EYS: variants seen among roughly 807,000 people sequenced by gnomAD.
EYS encodes the protein protein eyes shut homolog.
Under a neutral mutation model 282.1 loss-of-function variants are expected in EYS, and 250 were observed. The observed-to-expected ratio is 0.89, with a 90% CI of 0.80 to 0.98. The LOEUF is 0.98. Among genes scored for constraint, EYS ranks in the 50% least tolerant of loss-of-function variants. The probability of loss-of-function intolerance (pLI) is 0.00; values close to 1 mark genes in which losing one functional copy is unlikely to be tolerated. For synonymous variants in EYS, 1,355 were observed against 1,282.9 expected (o/e 1.06, Z -1.20); for missense variants, 4,016 against 3,709.0 (o/e 1.08, Z -2.15).
chr6:65,536,090 T>G (rs7767963), intron 2 of EYS, among the ~76,000 whole-genome samples: 16,168 of 152,082 alleles, frequency 0.11, 1,246 homozygotes, highest in African/African-American at 0.2. Context: ...TAATTTGAGA[T>G]AGAATGATAC....
chr6:64,775,661 T>C (rs150126980), intron 22 of EYS, among the ~76,000 whole-genome samples: 87 of 152,144 alleles, frequency 5.7e-4, no homozygotes, highest in African/African-American at 2.0e-3. Context: ...ATCCTACCTA[T>C]AGCAGTTGGA....
intron 12 of EYS, among the ~76,000 whole-genome samples, chr6:65,283,301 A>G (rs1346317588): frequency 6.6e-6 from 1 of 151,892 alleles, no homozygotes; most frequent in Non-Finnish European, 1.5e-5. Flanking sequence ...AAAATATTTC[A>G]GCTCATGATG....
At chr6:65,385,073 G>A (rs1765749178) in intron 7 of EYS, among the ~76,000 whole-genome samples, 1 of 151,902 alleles carries the variant, frequency 6.6e-6, no homozygotes, top group African/African-American at 2.4e-5. Context: ...ACACACTGGT[G>A]TTCTGGCTTC....
intron 30 of EYS, among the ~76,000 whole-genome samples, chr6:64,237,730 T>G (rs755276454): frequency 1.3e-5 from 2 of 152,230 alleles, no homozygotes; most frequent in Non-Finnish European, 2.9e-5. Context: ...CAAAATTTTA[T>G]GTTGTTTTTA....
chr6:64,851,037 G>A (rs1175667571), intron 19 of EYS, among the ~76,000 whole-genome samples: 1 of 151,992 alleles, frequency 6.6e-6, no homozygotes. Flanking sequence ...GTGGTGGTTT[G>A]GCAGTATTTA....
At chr6:64,711,830 A>C (rs1771224087) in intron 22 of EYS, among the ~76,000 whole-genome samples, 1 of 152,114 alleles carries the variant, frequency 6.6e-6, no homozygotes, top group Non-Finnish European at 1.5e-5. Flanking sequence ...TCCTCTACCA[A>C]ATGAGACTCC....
chr6:64,989,753 A>G (rs1375200933), intron 14 of EYS, among the ~76,000 whole-genome samples: 1 of 145,328 alleles, frequency 6.9e-6, no homozygotes, highest in Non-Finnish European at 1.5e-5. Context: ...TATACATTAT[A>G]TATTTCTTAT....
rs563440748 is a variant in EYS, at chr6:65,367,014, G to T, written c.1300-13397C>A. On this transcript the variant is annotated intron_variant, in intron 8 of 42. Transcript: ENST00000503581. The stretch of plus-strand genomic sequence containing the variant: ...AATCAGGATAATCTCTTTATCTCAA[G>T]ATACTTATCTTCAACGTATCTGCAA... 3.3e-5 allele frequency among the ~76,000 whole-genome samples: 5 copies of T among 151,640 alleles called. No homozygotes were observed. In the South Asian group the frequency reaches 1.0e-3, roughly 31 times the overall value.
At chr6:64,478,849 G>A (rs1412328696) in intron 26 of EYS, among the ~76,000 whole-genome samples, 2 of 151,026 alleles carry the variant, frequency 1.3e-5, no homozygotes, top group East Asian at 3.9e-4. Context: ...GAATTTATAA[G>A]GACAGAAAGG....
intron 13 of EYS, among the ~76,000 whole-genome samples, chr6:65,031,589 T>C (rs1021324922): frequency 2.6e-5 from 4 of 152,184 alleles, no homozygotes; most frequent in East Asian, 3.9e-4. Context: ...CTCAAAACCA[T>C]ACAATTACAT....
chr6:64,277,766 GAAAC>G (rs1768164778), intron 30 of EYS, among the ~76,000 whole-genome samples: 1 of 152,098 alleles, frequency 6.6e-6, no homozygotes, highest in Non-Finnish European at 1.5e-5. Flanking sequence ...GGAGGATGGA[GAAAC>G]AAAGTGTTTG....
intron 12 of EYS, among the ~76,000 whole-genome samples, chr6:65,087,961 G>A (rs1166243839): frequency 1.3e-5 from 2 of 152,074 alleles, no homozygotes; most frequent in Admixed American, 1.3e-4. Context: ...TTATGGGGGA[G>A]TCTTGTGAGA....
At chr6:65,515,773 A>C (rs1767106396) in intron 2 of EYS, among the ~76,000 whole-genome samples, 2 of 120,974 alleles carry the variant, frequency 1.7e-5, no homozygotes, top group African/African-American at 6.5e-5. Context: ...GGGGAACATC[A>C]CACTCTGGGG....
intron 2 of EYS, among the ~76,000 whole-genome samples, chr6:65,556,197 G>T (rs995885670): frequency 1.3e-5 from 2 of 152,176 alleles, no homozygotes; most frequent in African/African-American, 2.4e-5. Context: ...TAAGTTGGGT[G>T]CAGTGGCACA....
chr6:65,685,383 A>G (rs1166666547), intron 1 of EYS, among the ~76,000 whole-genome samples: 1 of 152,048 alleles, frequency 6.6e-6, no homozygotes. Context: ...ACGACATCAA[A>G]TTGAAGTTTT....
chr6:64,100,862 G>A (rs1772801238), intron 31 of EYS, among the ~76,000 whole-genome samples: 1 of 152,056 alleles, frequency 6.6e-6, no homozygotes, highest in African/African-American at 2.4e-5. Flanking sequence ...TTTCTTTTCT[G>A]TTAGGCACTC....
intron 26 of EYS, among the ~76,000 whole-genome samples, chr6:64,552,298 T>G (rs534949185): frequency 6.6e-6 from 1 of 152,326 alleles, no homozygotes; most frequent in African/African-American, 2.4e-5. Context: ...ATTAATATTT[T>G]ACTCCCAAAC....
chr6:64,490,031 C>T (rs532829526), intron 26 of EYS, among the ~76,000 whole-genome samples: 1 of 150,634 alleles, frequency 6.6e-6, no homozygotes, highest in Non-Finnish European at 1.5e-5. Flanking sequence ...TAGTTCTCAG[C>T]GAATTTTATT....
intron 31 of EYS, among the ~76,000 whole-genome samples, chr6:64,136,330 T>C (rs963343401): frequency 5.9e-5 from 9 of 152,096 alleles, no homozygotes; most frequent in African/African-American, 1.9e-4. Flanking sequence ...CTCAAACTCA[T>C]CCATGAGGTT....
Sources: gnomAD v4.1 joint callset for allele counts (sites outside exome capture counted in the v4.1 genomes callset) on GRCh38, gnomAD v4.1.1 for gene constraint, MANE v1.5 for transcripts, NCBI Gene and HGNC (gene_info 2026-07-23, HGNC 2026-07-21) for gene names.